The following ADH7 variants were observed in gnomAD, a reference collection of about 807,000 sequenced individuals.
ADH7 encodes alcohol dehydrogenase 7 (class IV), mu or sigma polypeptide, also known as all-trans-retinol dehydrogenase [NAD(+)] ADH7.
Under a neutral mutation model 34.4 loss-of-function variants are expected in ADH7, and 41 were observed. The ratio of observed to expected loss-of-function variants is 1.19; its 90% CI spans 0.93 to 1.55. The LOEUF is 1.55. Ranked by LOEUF, ADH7 falls within the 40% of genes most tolerant of loss-of-function variation. The pLI, the probability that ADH7 is intolerant of heterozygous loss-of-function variation, is 0.00. For missense variants in ADH7, 540 were observed against 461.2 expected, an observed-to-expected ratio of 1.17 and a Z score of -1.56; for synonymous variants, 180 against 160.9, an observed-to-expected ratio of 1.12 and a Z score of -0.90.
chr4:99,433,363 T>C (rs1371156384), intron 1 of ADH7, among the ~76,000 whole-genome samples: 3 of 152,184 alleles, frequency 2.0e-5, no homozygotes, highest in Non-Finnish European at 4.4e-5. Flanking sequence ...GTATATTGTA[T>C]GAGTACAGCT....
rs1721636363 is a variant in ADH7, at chr4:99,420,784, C to A, written c.574G>T (p.Gly192Cys). 7 of 1,613,760 alleles carry A rather than the reference C, an allele frequency of 4.3e-6. No individual in the cohort carries two copies. Among genetic ancestry groups the A allele is most frequent in the Middle Eastern group, 3.3e-4 (2 of 6,056 alleles). ...AGGCCAAAGACGACGCAAGTGGAAC[C>A]AGGTTTGACCTGTGGAGAGGAATGT... ...AAVKTGKVKPGSTCVVFGLGG... is the reference protein window; with the variant it reads ...AAVKTGKVKPCSTCVVFGLGG... The change falls in exon 6 of 9, where the codon GGT (glycine) becomes TGT (cysteine). Residue 192 changes from glycine (G) to cysteine (C), a missense_variant. Gly to Cys is a radical substitution (Grantham distance 159). Coordinates refer to ENST00000437033, the MANE Select transcript of ADH7 (RefSeq NM_000673.7).
At position 99,435,222 on chromosome 4, in the gene ADH7, A is replaced by T; in HGVS notation, c.12T>A (p.Ala4=). The part of the protein sequence containing the change: MGT[A]GKVIKCKAAV... Reference sequence around the variant, plus strand: ...ACAGAAATGTTCCACTTACTTTTCCAGCAGTGCCCATCCTGTCTTTGTCTT... The same window carrying T: ...ACAGAAATGTTCCACTTACTTTTCCTGCAGTGCCCATCCTGTCTTTGTCTT... Residue 4 remains alanine, a synonymous_variant, in exon 1 of 9, where the codon GCT becomes GCA. Coordinates refer to ENST00000437033, the MANE Select transcript of ADH7 (RefSeq NM_000673.7). 3 of 1,613,398 alleles carry T rather than the reference A, an allele frequency of 1.9e-6. No individual in the cohort carries two copies. Among genetic ancestry groups the T allele is most frequent in the Non-Finnish European group, 2.5e-6 (3 of 1,179,732 alleles).
At chr4:99,431,279 A>G (rs1182478595) in intron 1 of ADH7, among the ~76,000 whole-genome samples, 1 of 152,226 alleles carries the variant, frequency 6.6e-6, no homozygotes, top group African/African-American at 2.4e-5. Flanking sequence ...CCATATGCAG[A>G]AGATTGAAGC....
At position 99,418,986 on chromosome 4, in the gene ADH7, C is replaced by G; in HGVS notation, c.961G>C (p.Gly321Arg). The change falls in exon 7 of 9, where the codon GGT becomes CGT. Residue 321 changes from glycine (G) to arginine (R), a missense_variant and splice_region_variant. Physicochemically the swap from Gly to Arg is moderately radical, Grantham distance 125. Transcript: ENST00000437033. Reference sequence around the variant, plus strand: ...CATCCAGAGGCTTTGCTTTCCTGACCTCCAAAGACACATCCCTTCCATGTG... The same window carrying G: ...CATCCAGAGGCTTTGCTTTCCTGACGTCCAAAGACACATCCCTTCCATGTG... ...GRTWKGCVFG[G>R]LKSRDDVPKL... 1 of 1,613,462 alleles carries G rather than the reference C, an allele frequency of 6.2e-7. No homozygotes were observed. Among genetic ancestry groups the G allele is most frequent in the Non-Finnish European group, 8.5e-7 (1 of 1,179,640 alleles).
At chr4:99,425,329 G>C (rs1721774449) in intron 5 of ADH7, among the ~76,000 whole-genome samples, 2 of 152,086 alleles carry the variant, frequency 1.3e-5, no homozygotes, top group Admixed American at 1.3e-4. Flanking sequence ...CACGTGCAGA[G>C]ACACACATAG....
At chr4:99,415,013 T>C (rs948474685) in intron 8 of ADH7, among the ~76,000 whole-genome samples, 1 of 152,202 alleles carries the variant, frequency 6.6e-6, no homozygotes, top group African/African-American at 2.4e-5. Flanking sequence ...CTATAATCCC[T>C]ACATGTCAAG....
intron 8 of ADH7, among the ~76,000 whole-genome samples, chr4:99,414,945 G>A (rs1827567): frequency 0.21 from 32,324 of 152,158 alleles, 3,835 homozygotes; most frequent in East Asian, 0.51. Context: ...GGCATACTAA[G>A]TTGGTGATAT....
chr4:99,418,872 A>G, intron 7 of ADH7, 114 bp downstream of exon 7: 1 of 1,236,300 alleles, frequency 8.1e-7, no homozygotes, highest in Non-Finnish European at 1.1e-6. Context: ...GTTCCATTTT[A>G]GATCACTTCA....
chr4:99,415,777 A>G, intron 7 of ADH7, 161 bp from the exon 8 acceptor site: 1 of 655,428 alleles, frequency 1.5e-6, no homozygotes, highest in Non-Finnish European at 2.4e-6. Flanking sequence ...CATAAGAAAC[A>G]AAAGTTATGC....
chr4:99,434,000 T>C (rs951985774), intron 1 of ADH7, among the ~76,000 whole-genome samples: 1 of 152,190 alleles, frequency 6.6e-6, no homozygotes, highest in Non-Finnish European at 1.5e-5. Context: ...GGGAAATATA[T>C]AATCCTTAGG....
chr4:99,421,979 G>A (rs778536314), intron 5 of ADH7, among the ~76,000 whole-genome samples: 7 of 152,200 alleles, frequency 4.6e-5, no homozygotes, highest in Non-Finnish European at 8.8e-5. Context: ...TCAGAATGGC[G>A]ATTATTAAAA....
chr4:99,428,381 C>T (rs755372048), intron 3 of ADH7, 111 bp downstream of exon 3: 53 of 1,379,250 alleles, frequency 3.8e-5, no homozygotes, highest in Non-Finnish European at 4.7e-5. Context: ...CCTTTTAATT[C>T]CCTGAATTGT....
intron 2 of ADH7, among the ~76,000 whole-genome samples, chr4:99,428,893 C>G (rs1721878620): frequency 6.6e-6 from 1 of 152,106 alleles, no homozygotes; most frequent in South Asian, 2.1e-4. Context: ...TGTGAGGGAA[C>G]CAGAATACAG....
At chr4:99,415,200 A>G in intron 8 of ADH7, 1 of 341,620 alleles carries the variant, frequency 2.9e-6, no homozygotes, top group Admixed American at 4.7e-5. Context: ...TTTGCCTTCC[A>G]CCATGATTAT....
chr4:99,422,880 T>A (rs930750591), intron 5 of ADH7, among the ~76,000 whole-genome samples: 1 of 149,374 alleles, frequency 6.7e-6, no homozygotes, highest in African/African-American at 2.4e-5. Context: ...TTTATTTATT[T>A]ATTATTATTA....
intron 6 of ADH7, among the ~76,000 whole-genome samples, chr4:99,419,997 C>G (rs1721610743): frequency 6.6e-6 from 1 of 152,086 alleles, no homozygotes; most frequent in Non-Finnish European, 1.5e-5. Flanking sequence ...AACTGAAGGT[C>G]TGGTGCTGCG....
At chr4:99,428,771 C>T (rs771254085) in intron 2 of ADH7, 141 bp from the exon 3 acceptor site, 16 of 1,114,058 alleles carry the variant, frequency 1.4e-5, no homozygotes, top group Non-Finnish European at 2.0e-5. Flanking sequence ...TTAGACTATT[C>T]TGAGCCAAAA....
intron 5 of ADH7, among the ~76,000 whole-genome samples, chr4:99,423,432 A>G (rs1721719444): frequency 2.0e-5 from 3 of 151,832 alleles, no homozygotes; most frequent in Admixed American, 2.0e-4. Context: ...TTCTAGCTCT[A>G]GATCCCTGAG....
At chr4:99,422,388 C>T (rs553526143) in intron 5 of ADH7, among the ~76,000 whole-genome samples, 3 of 152,242 alleles carry the variant, frequency 2.0e-5, no homozygotes, top group African/African-American at 4.8e-5. Flanking sequence ...TCATTCTCAG[C>T]AAACTAACAC....
Sources: allele counts gnomAD v4.1 joint callset (sites outside exome capture counted in the v4.1 genomes callset), GRCh38; gene constraint gnomAD v4.1.1; transcripts MANE v1.5; gene names NCBI Gene and HGNC (gene_info 2026-07-23, HGNC 2026-07-21).